Variants in ASXL2 observed in about 807,000 individuals in gnomAD.
The protein encoded by ASXL2 is putative Polycomb group protein ASXL2.
A neutral mutation model predicts 122.0 loss-of-function variants in ASXL2; 23 were observed. That is an observed-to-expected ratio of 0.19 (90% confidence interval 0.14 to 0.27). ASXL2 has a LOEUF of 0.27. Among genes scored for constraint, ASXL2 ranks in the 10% least tolerant of loss-of-function variants. The pLI is 1.00. For synonymous variants in ASXL2, 650 were observed against 637.0 expected (o/e 1.02, Z -0.31); for missense variants, 1,518 against 1,713.8 (o/e 0.89, Z 2.02).
chr2:25,781,966 C>CTTTT (rs35973982), intron 5 of ASXL2, among the ~76,000 whole-genome samples: 2 of 81,072 alleles, frequency 2.5e-5, no homozygotes, highest in Admixed American at 1.5e-4. Flanking sequence ...GGGCTTTTTT[C>CTTTT]TTTTTTTTTT....
chr2:25,791,023 C>A (rs950172110), intron 5 of ASXL2, among the ~76,000 whole-genome samples: 7 of 151,772 alleles, frequency 4.6e-5, no homozygotes, highest in African/African-American at 1.7e-4. Context: ...TCTTGAACTA[C>A]GGGGCTCAAG....
At chr2:25,808,021 A>ACACACACACACACACACACACACT (rs766637532) in intron 3 of ASXL2, among the ~76,000 whole-genome samples, 1 of 148,516 alleles carries the variant, frequency 6.7e-6, no homozygotes, top group Non-Finnish European at 1.5e-5. Context: ...ACACACACAC[A>ACACACACACACACACACACACACT]CTCTCCACCC....
chr2:25,787,972 T>C (rs2088775219), intron 5 of ASXL2, among the ~76,000 whole-genome samples: 1 of 152,152 alleles, frequency 6.6e-6, no homozygotes, highest in South Asian at 2.1e-4. Flanking sequence ...ATATCAGGAT[T>C]AATAATAAAG....
Position 25,741,370 on chromosome 2 carries a change from T to C in ASXL2, c.*659A>G, listed in dbSNP as rs1295700316. 1 of 222,478 alleles carries C rather than the reference T, an allele frequency of 4.5e-6. No individual in the cohort carries two copies. The highest frequency in any genetic ancestry group is 2.2e-5 in the African/African-American group (1 of 44,708). 13.8% of individuals were successfully genotyped at this position (222,478 alleles called of 1,614,324 possible). On this transcript the variant is annotated 3_prime_UTR_variant, in exon 13 of 13. Transcript: ENST00000435504. Reference sequence around the variant, plus strand: ...ATTGCTTGGCAACAGTACCAGTAACTAGTAACTAGTACAGTAGAAGCCAAG... The same window carrying C: ...ATTGCTTGGCAACAGTACCAGTAACCAGTAACTAGTACAGTAGAAGCCAAG...
intron 3 of ASXL2, among the ~76,000 whole-genome samples, chr2:25,828,838 A>AC (rs1384341182): frequency 2.0e-5 from 3 of 151,318 alleles, no homozygotes; most frequent in Non-Finnish European, 4.4e-5. Context: ...AAAAAAAAAA[A>AC]AAAAAAAAAA....
intron 9 of ASXL2, 98 bp downstream of exon 9, chr2:25,759,384 G>T: frequency 1.6e-6 from 2 of 1,273,010 alleles, no homozygotes; most frequent in Non-Finnish European, 2.1e-6. Context: ...AGAAACTTAT[G>T]TAAAAATATT....
At chr2:25,757,946 AG>A (rs2088169133) in intron 9 of ASXL2, among the ~76,000 whole-genome samples, 1 of 149,264 alleles carries the variant, frequency 6.7e-6, no homozygotes, top group African/African-American at 2.5e-5. Context: ...AAAAAAGATG[AG>A]AGCAATCTCC....
chr2:25,792,995 G>A (rs1337249593), intron 5 of ASXL2, among the ~76,000 whole-genome samples: 1 of 151,848 alleles, frequency 6.6e-6, no homozygotes, highest in Admixed American at 6.6e-5. Context: ...GCTCACACCT[G>A]TAATCCCAGC....
intron 1 of ASXL2, among the ~76,000 whole-genome samples, chr2:25,864,407 T>G (rs2089875430): frequency 6.6e-6 from 1 of 152,058 alleles, no homozygotes; most frequent in African/African-American, 2.4e-5. Flanking sequence ...TTTCGCAAAC[T>G]ACAGCAACTA....
chr2:25,850,633 T>C (rs2089704114), intron 1 of ASXL2, among the ~76,000 whole-genome samples: 1 of 152,246 alleles, frequency 6.6e-6, no homozygotes, highest in Non-Finnish European at 1.5e-5. Flanking sequence ...ATCAGTGGGA[T>C]AGATGTGGTC....
At chr2:25,853,688 T>C (rs2089744521) in intron 1 of ASXL2, among the ~76,000 whole-genome samples, 1 of 151,916 alleles carries the variant, frequency 6.6e-6, no homozygotes, top group Non-Finnish European at 1.5e-5. Flanking sequence ...TGGCATGCAG[T>C]TTTATAGCTG....
Position 25,741,338 on chromosome 2 carries a change from C to T in ASXL2, c.*691G>A, listed in dbSNP as rs2087823326. ...GGGAACAGCAGGGATCCACAAATTC[C>T]AAGCAGATTGCTTGGCAACAGTACC... On this transcript the variant is annotated 3_prime_UTR_variant, in exon 13 of 13. Coordinates refer to ENST00000435504, the MANE Select transcript of ASXL2 (RefSeq NM_018263.6). The T allele has an allele frequency of 4.5e-6, 1 of 221,032 alleles. No homozygotes were observed. The highest frequency in any genetic ancestry group is 2.2e-5 in the African/African-American group (1 of 44,666). The allele number at this position is 221,032 out of a possible 1,614,324, so 13.7% of individuals were successfully genotyped here.
intron 3 of ASXL2, among the ~76,000 whole-genome samples, chr2:25,819,536 C>T (rs2089281521): frequency 1.3e-5 from 2 of 152,118 alleles, no homozygotes; most frequent in Admixed American, 6.5e-5. Context: ...GTAAAAATGT[C>T]CTATCGATCC....
At chr2:25,848,415 G>T (rs531049543) in intron 1 of ASXL2, among the ~76,000 whole-genome samples, 1 of 152,124 alleles carries the variant, frequency 6.6e-6, no homozygotes, top group African/African-American at 2.4e-5. Flanking sequence ...AAGGTCAGGA[G>T]ATCGAGACCA....
intron 3 of ASXL2, among the ~76,000 whole-genome samples, chr2:25,807,986 T>TACACACACACACACAC (rs147273836): frequency 0.036 from 4,792 of 131,554 alleles, 130 homozygotes; most frequent in African/African-American, 0.046. Context: ...AATCAGCTTT[T>TACACACACACACACAC]ACACACACAC....
At position 25,749,762 on chromosome 2, in the gene ASXL2, C is replaced by T; in HGVS notation, c.1794G>A (p.Gln598=). ...TENRQHQQPF[Q]VSPQPFLNRG... ...TATTGAGAAAGGGCTGTGGTGAGAC[C>T]TGAAATGGCTGCTGGTGCTGGCGAT... The change falls in exon 12 of 13, where the codon CAG becomes CAA. Residue 598 remains glutamine, a synonymous_variant. Coordinates refer to ENST00000435504, the MANE Select transcript of ASXL2 (RefSeq NM_018263.6). 1 of 1,590,002 alleles carries T rather than the reference C, an allele frequency of 6.3e-7. No individual in the cohort carries two copies. The highest frequency in any genetic ancestry group is 1.2e-5 in the South Asian group (1 of 85,930).
At chr2:25,795,725 C>T (rs1226784535) in intron 5 of ASXL2, among the ~76,000 whole-genome samples, 1 of 151,894 alleles carries the variant, frequency 6.6e-6, no homozygotes, top group Non-Finnish European at 1.5e-5. Flanking sequence ...CAATTCCAAA[C>T]TTAAAAGGAA....
At chr2:25,781,187 AATTTT>A (rs1336853089) in intron 5 of ASXL2, among the ~76,000 whole-genome samples, 1 of 152,140 alleles carries the variant, frequency 6.6e-6, no homozygotes, top group Non-Finnish European at 1.5e-5. Flanking sequence ...AAATGAATGC[AATTTT>A]ATCTTTTTGG....
intron 8 of ASXL2, among the ~76,000 whole-genome samples, chr2:25,764,977 T>C (rs2088318678): frequency 6.6e-6 from 1 of 152,322 alleles, no homozygotes; most frequent in Admixed American, 6.5e-5. Context: ...ACCCAAGTTT[T>C]TTCAATTTAG....
Sources: allele counts gnomAD v4.1 joint callset (sites outside exome capture counted in the v4.1 genomes callset), GRCh38; gene constraint gnomAD v4.1.1; transcripts MANE v1.5; gene names NCBI Gene and HGNC (gene_info 2026-07-23, HGNC 2026-07-21).